Variants in PBX1 observed in about 807,000 individuals in gnomAD.
PBX1 encodes PBX homeobox 1.
In PBX1, 6 loss-of-function variants were observed where a neutral mutation model predicts 53.4. The ratio of observed to expected loss-of-function variants is 0.11; its 90% CI spans 0.06 to 0.22. PBX1 has a LOEUF of 0.22. Among genes scored for constraint, PBX1 ranks in the 10% least tolerant of loss-of-function variants. The pLI is 1.00. For missense variants in PBX1, 251 were observed against 551.4 expected, an observed-to-expected ratio of 0.46 and a Z score of 5.46; for synonymous variants, 204 against 212.3, an observed-to-expected ratio of 0.96 and a Z score of 0.34.
chr1:164,807,508 C>A (rs201635672), intron 4 of PBX1, 34 bp from the exon 5 acceptor site: 2 of 1,604,772 alleles, frequency 1.2e-6, no homozygotes, highest in African/African-American at 1.3e-5. Flanking sequence ...TTGGTGTGAG[C>A]CTTTTTGTTA....
rs141665261 is a variant in PBX1 at position 164,600,936 on chromosome 1, C to G, written c.265+37625C>G. On this transcript the variant is annotated intron_variant, in intron 2 of 8. Coordinates refer to ENST00000420696, the MANE Select transcript of PBX1 (RefSeq NM_002585.4). ...TATAAAAATTGGAGATTCTTCTGCT[C>G]TCAGAATAGCAGACACAGGGCTGGG... Among the ~76,000 whole-genome samples, 296 of 152,180 alleles carry G rather than the reference C, an allele frequency of 1.9e-3. 2 individuals carry two copies. In the Middle Eastern group the frequency reaches 0.024, roughly 12 times the overall value.
At chr1:164,834,500 C>T (rs571087451) in intron 8 of PBX1, among the ~76,000 whole-genome samples, 4 of 152,038 alleles carry the variant, frequency 2.6e-5, no homozygotes, top group African/African-American at 9.6e-5. Context: ...TGCCCCACCA[C>T]GCCTGGCTAA....
chr1:164,776,025 C>G (rs538417014), intron 2 of PBX1, among the ~76,000 whole-genome samples: 21 of 152,288 alleles, frequency 1.4e-4, no homozygotes, highest in African/African-American at 5.1e-4. Flanking sequence ...GTCAGCTTTT[C>G]TCTATGACAC....
intron 2 of PBX1, among the ~76,000 whole-genome samples, chr1:164,658,130 G>A (rs1158371677): frequency 7.1e-6 from 1 of 141,440 alleles, no homozygotes; most frequent in African/African-American, 2.7e-5. Flanking sequence ...ATGGCATTCA[G>A]AAGTTGTAAT....
chr1:164,561,347 A>G (rs1653027008), intron 1 of PBX1, among the ~76,000 whole-genome samples: 2 of 152,360 alleles, frequency 1.3e-5, no homozygotes, highest in African/African-American at 2.4e-5. Flanking sequence ...AGCACATGCA[A>G]CATGTAAACT....
chr1:164,616,030 G>GA (rs1657253249), intron 2 of PBX1, among the ~76,000 whole-genome samples: 1 of 152,178 alleles, frequency 6.6e-6, no homozygotes, highest in Non-Finnish European at 1.5e-5. Flanking sequence ...CTCCAGAGAT[G>GA]AAAAATTCAG....
At chr1:164,713,136 C>G (rs1663895644) in intron 2 of PBX1, among the ~76,000 whole-genome samples, 1 of 152,196 alleles carries the variant, frequency 6.6e-6, no homozygotes, top group African/African-American at 2.4e-5. Flanking sequence ...ATGACTGACA[C>G]TAAACCCCTG....
At chr1:164,626,446 G>A (rs1012129583) in intron 2 of PBX1, among the ~76,000 whole-genome samples, 2 of 152,132 alleles carry the variant, frequency 1.3e-5, no homozygotes, top group African/African-American at 4.8e-5. Flanking sequence ...GGAGCCTTTG[G>A]AAGAAGGAAT....
chr1:164,741,474 A>G (rs1665598024), intron 2 of PBX1, among the ~76,000 whole-genome samples: 1 of 152,212 alleles, frequency 6.6e-6, no homozygotes, highest in Non-Finnish European at 1.5e-5. Flanking sequence ...ACAATGGTAT[A>G]CTAGGTCATA....
At chr1:164,856,111 T>C (rs1449629267), downstream of PBX1, among the ~76,000 whole-genome samples, 1 of 152,170 alleles carries the variant, frequency 6.6e-6, no homozygotes, top group Non-Finnish European at 1.5e-5. Flanking sequence ...TTCCTTTGTC[T>C]CAATTGGAGT....
At chr1:164,703,001 A>T (rs1033015959) in intron 2 of PBX1, 4 of 145,528 alleles carry the variant, frequency 2.7e-5, no homozygotes, top group African/African-American at 1.0e-4. Context: ...GATGTTTGCA[A>T]ATGTCTATTA....
chr1:164,842,406 A>G (rs1335997957), intron 8 of PBX1, among the ~76,000 whole-genome samples: 2 of 152,244 alleles, frequency 1.3e-5, no homozygotes, highest in Non-Finnish European at 2.9e-5. Flanking sequence ...ATCAAATTAT[A>G]TGCCAAATTC....
intron 2 of PBX1, among the ~76,000 whole-genome samples, chr1:164,672,299 C>T (rs962879114): frequency 2.6e-5 from 4 of 152,126 alleles, no homozygotes; most frequent in South Asian, 4.1e-4. Flanking sequence ...AGTAATCTCT[C>T]GACCCCATGG....
At chr1:164,883,016 C>T (rs1339561208) in intron 2 of PBX1, among the ~76,000 whole-genome samples, 1 of 152,122 alleles carries the variant, frequency 6.6e-6, no homozygotes, top group Non-Finnish European at 1.5e-5. Context: ...GGAGAAATTA[C>T]AAAGGTTAGT....
chr1:164,688,258 G>A (rs115232982), intron 2 of PBX1, among the ~76,000 whole-genome samples: 2,380 of 152,148 alleles, frequency 0.016, 70 homozygotes, highest in African/African-American at 0.055. Flanking sequence ...AATTATTCAC[G>A]TTATTAAAAA....
Position 164,559,855 on chromosome 1 carries a change from T to A in PBX1, c.33T>A (p.His11Gln). Residue 11 changes from histidine to glutamine, a missense_variant, in exon 1 of 9, where the codon CAT (histidine) becomes CAA (glutamine). By Grantham distance (24) the His-to-Gln change is conservative. Transcript: ENST00000420696. MDEQPRLMHS[H>Q]AGVGMAGHPG... ...AGCAGCCCAGGCTGATGCATTCCCA[T>A]GCTGGGGTCGGGATGGCCGGACACC... 6.5e-7 allele frequency: 1 copy of A among 1,550,054 alleles called. No individual in the cohort carries two copies. Among genetic ancestry groups the A allele is most frequent in the Non-Finnish European group, 8.7e-7 (1 of 1,146,688 alleles).
intron 2 of PBX1, chr1:164,684,624 A>G (rs1008725957): frequency 5.9e-5 from 9 of 152,224 alleles, no homozygotes; most frequent in African/African-American, 2.2e-4. Context: ...CTCTCTGAGC[A>G]TCAAGATACA....
chr1:164,805,529 G>A (rs932244242), intron 4 of PBX1, among the ~76,000 whole-genome samples: 1 of 152,190 alleles, frequency 6.6e-6, no homozygotes, highest in Admixed American at 6.5e-5. Context: ...TTTCCTTTGA[G>A]TTCAATTGGA....
intron 2 of PBX1, among the ~76,000 whole-genome samples, chr1:164,727,580 T>G (rs953775274): frequency 6.6e-6 from 1 of 152,200 alleles, no homozygotes; most frequent in Non-Finnish European, 1.5e-5. Context: ...TACAGACATA[T>G]GGTGGAAAGG....
Sources: allele counts gnomAD v4.1 joint callset (sites outside exome capture counted in the v4.1 genomes callset), GRCh38; gene constraint gnomAD v4.1.1; transcripts MANE v1.5; gene names NCBI Gene and HGNC (gene_info 2026-07-23, HGNC 2026-07-21).